METTL25: variants seen among roughly 807,000 people sequenced by gnomAD.
METTL25 encodes methyltransferase like 25.
A neutral mutation model predicts 71.6 loss-of-function variants in METTL25; 64 were observed. The ratio of observed to expected loss-of-function variants is 0.89; its 90% CI spans 0.73 to 1.10. The LOEUF (loss-of-function observed/expected upper bound fraction) is 1.10, where lower values mean the gene tolerates loss of function less well. Ranked by LOEUF, METTL25 falls within the 50% of genes least tolerant of loss-of-function variation. The pLI is 0.00. For synonymous variants in METTL25, 287 were observed against 250.3 expected, an observed-to-expected ratio of 1.15 and a Z score of -1.38; for missense variants, 807 against 707.0, an observed-to-expected ratio of 1.14 and a Z score of -1.60.
chr12:82,361,742 G>A (rs1466156385), intron 1 of METTL25, among the ~76,000 whole-genome samples: 1 of 152,180 alleles, frequency 6.6e-6, no homozygotes, highest in Non-Finnish European at 1.5e-5. Context: ...ACAACCACCC[G>A]GAACTCGCGC....
intron 6 of METTL25, among the ~76,000 whole-genome samples, chr12:82,432,182 T>C (rs1889558858): frequency 6.6e-6 from 1 of 151,742 alleles, no homozygotes; most frequent in Admixed American, 6.6e-5. Context: ...CCATTATTTC[T>C]ATGCCTGTTA....
rs971005750 is a variant in METTL25 at position 82,371,579 on chromosome 12, C to T, written c.259+12755C>T. Among the ~76,000 whole-genome samples, 4 of 152,102 alleles carry T rather than the reference C, an allele frequency of 2.6e-5. No individual in the cohort carries two copies. The East Asian group carries it at 7.7e-4, about 29-fold the overall frequency. ...TGTCCTTTGTCTAATCTCGTTTTTC[C>T]TTTTCGGACTGTTCCTCTTGTTCCC... On this transcript the variant is annotated intron_variant, in intron 1 of 11. Transcript: ENST00000248306.
chr12:82,376,978 T>G (rs1319827175), intron 1 of METTL25, among the ~76,000 whole-genome samples: 1 of 152,068 alleles, frequency 6.6e-6, no homozygotes, highest in East Asian at 1.9e-4. Context: ...GCCGGCGTGG[T>G]GGCGGGCACC....
intron 5 of METTL25, among the ~76,000 whole-genome samples, chr12:82,406,609 C>T (rs1336039332): frequency 6.6e-6 from 1 of 152,022 alleles, no homozygotes; most frequent in Admixed American, 6.6e-5. Flanking sequence ...TTTTAATAAA[C>T]CAAAATTTAG....
chr12:82,418,501 T>C (rs1291016388), intron 5 of METTL25, among the ~76,000 whole-genome samples: 1 of 152,168 alleles, frequency 6.6e-6, no homozygotes, highest in African/African-American at 2.4e-5. Context: ...TGTGTGACAC[T>C]AATAATCTCC....
intron 7 of METTL25, 163 bp from the exon 8 acceptor site, chr12:82,438,555 C>A: frequency 3.0e-6 from 1 of 338,486 alleles, no homozygotes; most frequent in Non-Finnish European, 5.4e-6. Flanking sequence ...TGAGAATTAG[C>A]CTCAGGGTAA....
At chr12:82,432,734 C>T (rs1889610793) in intron 6 of METTL25, among the ~76,000 whole-genome samples, 1 of 151,226 alleles carries the variant, frequency 6.6e-6, no homozygotes, top group African/African-American at 2.4e-5. Flanking sequence ...TCCACCTTGT[C>T]TTATTTTTTT....
chr12:82,478,559 C>A (rs1241004626), intron 11 of METTL25, among the ~76,000 whole-genome samples: 1 of 151,540 alleles, frequency 6.6e-6, no homozygotes, highest in Non-Finnish European at 1.5e-5. Context: ...ATTATAAATG[C>A]AGTTTTACAT....
chr12:82,362,873 A>G (rs1174924955), intron 1 of METTL25, among the ~76,000 whole-genome samples: 1 of 152,256 alleles, frequency 6.6e-6, no homozygotes, highest in African/African-American at 2.4e-5. Context: ...TGGCCAGATT[A>G]TTAAAAACAA....
At chr12:82,415,626 C>G (rs1339137074) in intron 5 of METTL25, among the ~76,000 whole-genome samples, 1 of 152,048 alleles carries the variant, frequency 6.6e-6, no homozygotes, top group Non-Finnish European at 1.5e-5. Flanking sequence ...AGTCACAGTC[C>G]AAAGGCAAGA....
Position 82,358,551 on chromosome 12 carries a change from C to T in METTL25, c.-15C>T. On this transcript the variant is annotated 5_prime_UTR_variant, in exon 1 of 12. Transcript: ENST00000248306. ...GCCATGTTTGCGCCACCTACAGCCT[C>T]GGAGGGTGAGCGTCATGGCGGCTTC... 2 of 1,607,732 alleles carry T rather than the reference C, an allele frequency of 1.2e-6. No homozygotes were observed. The highest frequency in any genetic ancestry group is 1.7e-6 in the Non-Finnish European group (2 of 1,178,832).
intron 5 of METTL25, among the ~76,000 whole-genome samples, chr12:82,413,036 A>T (rs1887675339): frequency 6.6e-6 from 1 of 152,104 alleles, no homozygotes. Flanking sequence ...GAAAGATTTA[A>T]AAAACAGTTG....
intron 5 of METTL25, among the ~76,000 whole-genome samples, chr12:82,414,259 T>C (rs938373421): frequency 2.6e-5 from 4 of 152,160 alleles, no homozygotes; most frequent in Admixed American, 6.6e-5. Flanking sequence ...CCAATTAATA[T>C]GAGATGAATA....
intron 9 of METTL25, among the ~76,000 whole-genome samples, chr12:82,463,213 T>G (rs2137277472): frequency 6.6e-6 from 1 of 152,028 alleles, no homozygotes; most frequent in East Asian, 1.9e-4. Context: ...AACAAATCAC[T>G]GTCTATAATG....
At chr12:82,384,919 T>C (rs1884822931) in intron 1 of METTL25, among the ~76,000 whole-genome samples, 1 of 152,150 alleles carries the variant, frequency 6.6e-6, no homozygotes, top group African/African-American at 2.4e-5. Context: ...AGCTTGGGGA[T>C]GTTGAGACTC....
In METTL25 at chr12:82,389,872, G is replaced by A. The variant is rs764880199; in HGVS notation, c.481G>A (p.Ala161Thr). 1.2e-6 allele frequency: 2 copies of A among 1,604,100 alleles called. No individual in the cohort carries two copies. The highest frequency in any genetic ancestry group is 3.4e-5 in the Admixed American group (2 of 59,370). Residue 161 changes from alanine to threonine, a missense_variant, in exon 3 of 12, where the codon GCA becomes ACA. Physicochemically the swap from Ala to Thr is moderately conservative, Grantham distance 58. Transcript: ENST00000248306. ...MNMKKSHEVQ[A>T]MSELISSIAD... The stretch of plus-strand genomic sequence containing the variant: ...TATGAAGAAATCTCATGAAGTTCAG[G>A]CAATGTCAGAGCTGATCAGCAGTAT...
At chr12:82,412,353 T>A (rs184715292) in intron 5 of METTL25, among the ~76,000 whole-genome samples, 90 of 152,262 alleles carry the variant, frequency 5.9e-4, no homozygotes, top group African/African-American at 2.1e-3. Flanking sequence ...GGGTTTTGAC[T>A]AAGCAGTGTG....
intron 1 of METTL25, among the ~76,000 whole-genome samples, chr12:82,361,260 GAC>G: frequency 6.6e-6 from 1 of 152,278 alleles, no homozygotes; most frequent in East Asian, 1.9e-4. Context: ...CCTTGAGCTA[GAC>G]ACAGGGTGCT....
At chr12:82,451,763 A>G (rs1891161375) in intron 8 of METTL25, among the ~76,000 whole-genome samples, 1 of 152,170 alleles carries the variant, frequency 6.6e-6, no homozygotes, top group African/African-American at 2.4e-5. Flanking sequence ...GACAATAACA[A>G]AATAAATATT....
Sources: allele counts gnomAD v4.1 joint callset (sites outside exome capture counted in the v4.1 genomes callset), GRCh38; gene constraint gnomAD v4.1.1; transcripts MANE v1.5; gene names NCBI Gene and HGNC (gene_info 2026-07-23, HGNC 2026-07-21).